The following RPS6KA2 variants were observed in gnomAD, a reference collection of about 807,000 sequenced individuals.
RPS6KA2 encodes ribosomal protein S6 kinase alpha-2.
A neutral mutation model predicts 91.8 loss-of-function variants in RPS6KA2; 42 were observed. The observed-to-expected ratio is 0.46, with a 90% CI of 0.36 to 0.59. The LOEUF (loss-of-function observed/expected upper bound fraction) is 0.59. Ranked by LOEUF, RPS6KA2 falls within the 20% of genes least tolerant of loss-of-function variation. The pLI, the probability that RPS6KA2 is intolerant of heterozygous loss-of-function variation, is 0.00. For synonymous variants in RPS6KA2, 414 were observed against 393.6 expected, an observed-to-expected ratio of 1.05 and a Z score of -0.61; for missense variants, 798 against 978.5, an observed-to-expected ratio of 0.82 and a Z score of 2.46.
chr6:166,685,994 TGA>T (rs1789000050), intron 2 of RPS6KA2, among the ~76,000 whole-genome samples: 2 of 152,288 alleles, frequency 1.3e-5, no homozygotes, highest in South Asian at 4.1e-4. Context: ...GAAGGAGCTG[TGA>T]GGTCTTTACA....
chr6:166,535,764 T>C (rs996486689), intron 2 of RPS6KA2, among the ~76,000 whole-genome samples: 10 of 152,244 alleles, frequency 6.6e-5, no homozygotes, highest in African/African-American at 2.2e-4. Context: ...AAATTGCTTT[T>C]CATTTTGAGG....
intron 2 of RPS6KA2, among the ~76,000 whole-genome samples, chr6:166,831,616 C>T (rs1050231117): frequency 9.9e-5 from 15 of 151,440 alleles, no homozygotes; most frequent in African/African-American, 3.6e-4. Flanking sequence ...ATTTCCATGC[C>T]GCATTTGCCC....
At chr6:166,501,155 A>C (rs1229564894) in intron 6 of RPS6KA2, among the ~76,000 whole-genome samples, 1 of 152,164 alleles carries the variant, frequency 6.6e-6, no homozygotes, top group Non-Finnish European at 1.5e-5. Context: ...CTCCTGGATA[A>C]AGGGATGTGT....
At chr6:166,840,208 C>G (rs549886497) in intron 2 of RPS6KA2, among the ~76,000 whole-genome samples, 1 of 152,248 alleles carries the variant, frequency 6.6e-6, no homozygotes, top group Admixed American at 6.5e-5. Flanking sequence ...CATCCACACT[C>G]AAGCATGCTC....
intron 3 of RPS6KA2, among the ~76,000 whole-genome samples, chr6:166,516,332 G>A (rs1003486670): frequency 2.5e-4 from 38 of 152,338 alleles, no homozygotes; most frequent in African/African-American, 8.9e-4. Flanking sequence ...AAAGGACACA[G>A]TGGAGTCAGA....
chr6:166,801,309 G>A (rs1779359356), intron 2 of RPS6KA2, among the ~76,000 whole-genome samples: 2 of 150,082 alleles, frequency 1.3e-5, no homozygotes, highest in South Asian at 4.3e-4. Flanking sequence ...GAGAGGAAAA[G>A]AATCTAAAGG....
chr6:166,600,364 A>T (rs1253510648), intron 1 of RPS6KA2, among the ~76,000 whole-genome samples: 1 of 152,216 alleles, frequency 6.6e-6, no homozygotes, highest in Non-Finnish European at 1.5e-5. Flanking sequence ...GGCAGAGACG[A>T]TGTCTGTCTT....
At chr6:166,492,859 G>A (rs1046369388) in intron 8 of RPS6KA2, among the ~76,000 whole-genome samples, 6 of 151,142 alleles carry the variant, frequency 4.0e-5, no homozygotes, top group African/African-American at 1.5e-4. Flanking sequence ...GGGACTACAG[G>A]CGTGAGCCAC....
At chr6:166,701,637 C>G in intron 2 of RPS6KA2, 1 of 1,300,328 alleles carries the variant, frequency 7.7e-7, no homozygotes, top group East Asian at 2.3e-5. Flanking sequence ...GCTCAGACTG[C>G]GGGGAGGGAG....
intron 14 of RPS6KA2, among the ~76,000 whole-genome samples, chr6:166,444,723 G>A (rs1471908141): frequency 6.6e-6 from 1 of 152,230 alleles, no homozygotes; most frequent in Admixed American, 6.5e-5. Context: ...TGCCGAAGTC[G>A]AGAGGGAGGG....
chr6:166,489,343 C>T (rs764194153), intron 9 of RPS6KA2, among the ~76,000 whole-genome samples: 9 of 152,238 alleles, frequency 5.9e-5, no homozygotes, highest in Non-Finnish European at 1.0e-4. Context: ...CACTTGGGTG[C>T]GTCTCTTCCT....
intron 2 of RPS6KA2, among the ~76,000 whole-genome samples, chr6:166,736,921 A>G (rs1790685292): frequency 6.8e-6 from 1 of 148,120 alleles, no homozygotes; most frequent in Middle Eastern, 3.2e-3. Flanking sequence ...AATATCTCCT[A>G]GCAGAATTGA....
intron 1 of RPS6KA2, among the ~76,000 whole-genome samples, chr6:166,577,905 TG>T (rs1382982219): frequency 6.6e-6 from 1 of 152,194 alleles, no homozygotes; most frequent in African/African-American, 2.4e-5. Flanking sequence ...AGGGACCTGA[TG>T]GGAGATAATT....
intron 2 of RPS6KA2, among the ~76,000 whole-genome samples, chr6:166,827,068 T>C (rs528272539): frequency 4.2e-4 from 64 of 152,102 alleles, no homozygotes; most frequent in African/African-American, 1.3e-3. Context: ...GTGTTAGTTA[T>C]GTAGGATGAT....
chr6:166,480,557 C>G (rs1160532242), intron 10 of RPS6KA2, among the ~76,000 whole-genome samples: 1 of 144,474 alleles, frequency 6.9e-6, no homozygotes, highest in African/African-American at 2.6e-5. Context: ...CTCTGTTGCC[C>G]AGGCTGGAGT....
chr6:166,522,286 T>C (rs181536944), intron 3 of RPS6KA2, among the ~76,000 whole-genome samples: 1 of 152,376 alleles, frequency 6.6e-6, no homozygotes, highest in East Asian at 1.9e-4. Flanking sequence ...GCTGTGAAGA[T>C]GAGCAATGGC....
chr6:166,859,303 GC>G (rs1562475211), intron 1 of RPS6KA2, among the ~76,000 whole-genome samples: 1 of 152,184 alleles, frequency 6.6e-6, no homozygotes, highest in Non-Finnish European at 1.5e-5. Flanking sequence ...AAATGGGTCA[GC>G]CAGACCTTGT....
At chr6:166,491,001 G>A (rs535143470) in intron 8 of RPS6KA2, among the ~76,000 whole-genome samples, 73 of 152,314 alleles carry the variant, frequency 4.8e-4, no homozygotes, top group African/African-American at 1.6e-3. Context: ...AGCAGGCCCC[G>A]AGTACGACAG....
chr6:166,443,848 T>C (rs73790206), intron 14 of RPS6KA2, among the ~76,000 whole-genome samples: 7,149 of 152,234 alleles, frequency 0.047, 242 homozygotes, highest in East Asian at 0.11. Context: ...TGACATACCA[T>C]TTTCTTAACT....
Sources: allele counts gnomAD v4.1 joint callset (sites outside exome capture counted in the v4.1 genomes callset), GRCh38; gene constraint gnomAD v4.1.1; transcripts MANE v1.5; gene names NCBI Gene and HGNC (gene_info 2026-07-23, HGNC 2026-07-21).